SMOC2: variants seen among roughly 807,000 people sequenced by gnomAD.
SMOC2 encodes the protein SPARC related modular calcium binding 2, also known as SPARC-related modular calcium-binding protein 2.
SMOC2 carries 39 observed loss-of-function variants against 61.4 expected under a neutral mutation model. That is an observed-to-expected ratio of 0.64 (90% CI 0.49 to 0.83). The LOEUF (loss-of-function observed/expected upper bound fraction) is 0.83. Among genes scored for constraint, SMOC2 ranks in the 40% least tolerant of loss-of-function variants. The pLI is 0.00. For missense variants in SMOC2, 556 were observed against 592.9 expected, an observed-to-expected ratio of 0.94 and a Z score of 0.65; for synonymous variants, 247 against 239.9, an observed-to-expected ratio of 1.03 and a Z score of -0.27.
At chr6:168,552,928 G>A (rs1784163250) in intron 7 of SMOC2, among the ~76,000 whole-genome samples, 1 of 150,994 alleles carries the variant, frequency 6.6e-6, no homozygotes, top group Non-Finnish European at 1.5e-5. Context: ...GTGAGTGACG[G>A]CACTTGAAAA....
At chr6:168,647,650 C>A (rs1176442231) in intron 9 of SMOC2, among the ~76,000 whole-genome samples, 1 of 152,092 alleles carries the variant, frequency 6.6e-6, no homozygotes, top group Non-Finnish European at 1.5e-5. Flanking sequence ...TTTGCTAGAT[C>A]TGGGACATCT....
At chr6:168,659,504 G>GAGGGTGGAGGTTGTAGGTTGGATA (rs1787420821) in intron 11 of SMOC2, among the ~76,000 whole-genome samples, 2 of 17,888 alleles carry the variant, frequency 1.1e-4, no homozygotes, top group African/African-American at 1.8e-4. Context: ...TAGTATTGGT[G>GAGGGTGGAGGTTGTAGGTTGGATA]AGGGTGGAGG....
chr6:168,598,669 G>T, intron 7 of SMOC2, 149 bp from the exon 8 acceptor site: 1 of 840,814 alleles, frequency 1.2e-6, no homozygotes, highest in Non-Finnish European at 1.9e-6. Flanking sequence ...TGCCTCTCCT[G>T]CTGTGCCCCC....
intron 7 of SMOC2, among the ~76,000 whole-genome samples, chr6:168,550,634 G>C (rs1221932834): frequency 6.6e-6 from 1 of 151,944 alleles, no homozygotes; most frequent in Non-Finnish European, 1.5e-5. Flanking sequence ...TAGCTGTGTG[G>C]CATCTTCTTG....
At chr6:168,556,030 A>G (rs956736584) in intron 7 of SMOC2, among the ~76,000 whole-genome samples, 1 of 152,164 alleles carries the variant, frequency 6.6e-6, no homozygotes, top group Admixed American at 6.5e-5. Context: ...GGGTCCAGGC[A>G]GGCCTGGGGC....
In SMOC2 at chr6:168,599,209, C is replaced by T. The variant is rs114692739; in HGVS notation, c.824+205C>T. Among the ~76,000 whole-genome samples the T allele has an allele frequency of 1.0e-2, 1,443 of 144,866 alleles. 38 individuals are homozygous for T. The highest frequency in any genetic ancestry group is 0.035 in the African/African-American group (1,340 of 38,756). ...CACACACTCATACCACACACACACT[C>T]ATACCCACACACACCCATGGTCTCT... On this transcript the variant is annotated intron_variant, in intron 8 of 12. Coordinates refer to ENST00000356284, the MANE Select transcript of SMOC2 (RefSeq NM_001166412.2).
At chr6:168,519,372 C>T (rs901454278) in intron 2 of SMOC2, among the ~76,000 whole-genome samples, 2 of 152,206 alleles carry the variant, frequency 1.3e-5, no homozygotes, top group East Asian at 3.8e-4. Flanking sequence ...CTTCTTCCAG[C>T]AGACACAGTT....
intron 1 of SMOC2, among the ~76,000 whole-genome samples, chr6:168,468,211 A>G (rs1174554092): frequency 2.0e-5 from 3 of 152,182 alleles, no homozygotes; most frequent in African/African-American, 2.4e-5. Flanking sequence ...ACATGGATTT[A>G]TATCGAGGGA....
At chr6:168,543,164 C>T (rs1387453082) in intron 4 of SMOC2, among the ~76,000 whole-genome samples, 1 of 152,228 alleles carries the variant, frequency 6.6e-6, no homozygotes, top group Non-Finnish European at 1.5e-5. Flanking sequence ...ATTTTCAATA[C>T]TCTACCAAAA....
At chr6:168,652,760 C>G (rs1375643319) in intron 10 of SMOC2, among the ~76,000 whole-genome samples, 194 bp from the exon 11 acceptor site, 1 of 152,176 alleles carries the variant, frequency 6.6e-6, no homozygotes, top group Admixed American at 6.5e-5. Flanking sequence ...TGAATCCAAC[C>G]TGAAAAATCT....
intron 4 of SMOC2, 64 bp from the exon 5 acceptor site, chr6:168,543,561 A>G: frequency 2.8e-6 from 4 of 1,417,140 alleles, no homozygotes; most frequent in Non-Finnish European, 4.0e-6. Flanking sequence ...TGCATAACTT[A>G]ATTTGTGATG....
chr6:168,460,346 G>C (rs1006829043), intron 1 of SMOC2, among the ~76,000 whole-genome samples: 2 of 152,156 alleles, frequency 1.3e-5, no homozygotes, highest in Non-Finnish European at 2.9e-5. Context: ...AAGTAGTGAT[G>C]TTCCTCCACA....
chr6:168,445,892 A>G (rs758893326), intron 1 of SMOC2, among the ~76,000 whole-genome samples: 7 of 152,230 alleles, frequency 4.6e-5, no homozygotes, highest in Non-Finnish European at 7.4e-5. Context: ...CATGCAGCCA[A>G]TGGGCATGGA....
chr6:168,502,431 C>T (rs547123194), intron 1 of SMOC2, among the ~76,000 whole-genome samples: 1 of 152,252 alleles, frequency 6.6e-6, no homozygotes, highest in African/African-American at 2.4e-5. Flanking sequence ...CCCTCCATGC[C>T]CTGCATCTGC....
At chr6:168,442,025 G>T (rs1447142035) in intron 1 of SMOC2, among the ~76,000 whole-genome samples, 2 of 152,250 alleles carry the variant, frequency 1.3e-5, no homozygotes, top group Non-Finnish European at 2.9e-5. Flanking sequence ...GGCTGAAGGG[G>T]CTGCCAGTCG....
intron 7 of SMOC2, among the ~76,000 whole-genome samples, chr6:168,550,975 C>T (rs1320545226): frequency 1.3e-5 from 2 of 152,182 alleles, no homozygotes; most frequent in Non-Finnish European, 2.9e-5. Flanking sequence ...GTTGTGTCCC[C>T]ACCCAAATCT....
intron 7 of SMOC2, among the ~76,000 whole-genome samples, chr6:168,586,812 G>A (rs868468689): frequency 1.3e-5 from 2 of 152,206 alleles, no homozygotes; most frequent in South Asian, 2.1e-4. Context: ...TGTAGATTGA[G>A]CTTGTACTTA....
chr6:168,483,204 C>CA (rs1004965767), intron 1 of SMOC2, among the ~76,000 whole-genome samples: 44 of 151,612 alleles, frequency 2.9e-4, no homozygotes, highest in East Asian at 2.1e-3. Flanking sequence ...CACACACACA[C>CA]AAAAAAACTT....
chr6:168,552,756 G>A (rs1004327408), intron 7 of SMOC2, among the ~76,000 whole-genome samples: 1 of 152,058 alleles, frequency 6.6e-6, no homozygotes, highest in African/African-American at 2.4e-5. Context: ...GAACCAAATT[G>A]GGATCTGTAA....
Sources: allele counts gnomAD v4.1 joint callset (sites outside exome capture counted in the v4.1 genomes callset), GRCh38; gene constraint gnomAD v4.1.1; transcripts MANE v1.5; gene names NCBI Gene and HGNC (gene_info 2026-07-23, HGNC 2026-07-21).